Variants in VWC2 observed in about 807,000 individuals in gnomAD.
VWC2 encodes the protein brorin.
Under a neutral mutation model 29.8 loss-of-function variants are expected in VWC2, and 14 were observed. That is an observed-to-expected ratio of 0.47 (90% CI 0.31 to 0.74). The LOEUF (loss-of-function observed/expected upper bound fraction) is 0.74. VWC2 is among the 30% of genes least tolerant of loss of function. VWC2 has a pLI of 0.05. For synonymous variants in VWC2, 213 were observed against 199.0 expected (o/e 1.07, Z -0.59); for missense variants, 457 against 459.8 (o/e 0.99, Z 0.05).
intron 3 of VWC2, among the ~76,000 whole-genome samples, chr7:49,895,826 AC>A (rs1283224549): frequency 6.6e-6 from 1 of 152,166 alleles, no homozygotes; most frequent in East Asian, 1.9e-4. Context: ...ATTAAGATTA[AC>A]CCATTCTCCC....
intron 3 of VWC2, among the ~76,000 whole-genome samples, chr7:49,895,640 G>A (rs979545687): frequency 2.0e-5 from 3 of 152,054 alleles, no homozygotes; most frequent in African/African-American, 7.2e-5. Flanking sequence ...TCAACACAAT[G>A]TAACATATCA....
At chr7:49,783,165 A>T (rs1388162815) in intron 2 of VWC2, among the ~76,000 whole-genome samples, 1 of 152,148 alleles carries the variant, frequency 6.6e-6, no homozygotes, top group African/African-American at 2.4e-5. Context: ...CCCAACGGAA[A>T]CATTATTCTT....
chr7:49,857,556 C>T (rs898200830), intron 3 of VWC2, among the ~76,000 whole-genome samples: 1 of 152,150 alleles, frequency 6.6e-6, no homozygotes, highest in Non-Finnish European at 1.5e-5. Flanking sequence ...AAGTGCTCAA[C>T]ATTGCTAATC....
intron 3 of VWC2, among the ~76,000 whole-genome samples, chr7:49,898,572 A>C (rs1792522709): frequency 6.6e-6 from 1 of 152,112 alleles, no homozygotes. Context: ...CACATTACAT[A>C]TGTATATACA....
intron 3 of VWC2, among the ~76,000 whole-genome samples, chr7:49,880,687 TGGGGGAA>T (rs1036045116): frequency 6.6e-6 from 1 of 151,846 alleles, no homozygotes; most frequent in Non-Finnish European, 1.5e-5. Context: ...TGTTGTGGGA[TGGGGGAA>T]GGGGGAAGGG....
Position 49,806,809 on chromosome 7 carries a change from C to T in VWC2, c.826+3969C>T, listed in dbSNP as rs545308514. ...AAAGAAAAGCCTGCTCCTATGTGGT[C>T]TCACCATTGAATCCTTCCAAAATTC... On this transcript the variant is annotated intron_variant, in intron 3 of 3. Transcript: ENST00000340652. Among the ~76,000 whole-genome samples, 7 of 152,040 alleles carry T rather than the reference C, an allele frequency of 4.6e-5. No individual in the cohort carries two copies. In the South Asian group the frequency reaches 1.5e-3, roughly 32 times the overall value.
At chr7:49,812,931 T>C (rs1039317182) in intron 3 of VWC2, among the ~76,000 whole-genome samples, 9 of 152,196 alleles carry the variant, frequency 5.9e-5, no homozygotes, top group Non-Finnish European at 1.3e-4. Context: ...CTCCTACTTA[T>C]TTAATACCTG....
At chr7:49,888,115 A>G (rs999495214) in intron 3 of VWC2, among the ~76,000 whole-genome samples, 6 of 152,250 alleles carry the variant, frequency 3.9e-5, no homozygotes, top group Admixed American at 2.6e-4. Flanking sequence ...GTGAGGTCAC[A>G]TTAGTAGCTC....
At chr7:49,904,993 C>T (rs1483284728) in intron 3 of VWC2, among the ~76,000 whole-genome samples, 2 of 152,086 alleles carry the variant, frequency 1.3e-5, no homozygotes, top group East Asian at 3.9e-4. Context: ...CTCAGCCTCC[C>T]AAAGTGCTGG....
At chr7:49,882,932 T>A (rs1175895908) in intron 3 of VWC2, among the ~76,000 whole-genome samples, 1 of 151,978 alleles carries the variant, frequency 6.6e-6, no homozygotes, top group Non-Finnish European at 1.5e-5. Flanking sequence ...GGAGAATAAA[T>A]CCACAGAAAG....
At chr7:49,892,031 ATTTTTTTTTTTTTTTTTTT>A (rs536880676) in intron 3 of VWC2, among the ~76,000 whole-genome samples, 1 of 53,202 alleles carries the variant, frequency 1.9e-5, no homozygotes, top group African/African-American at 7.4e-5. Context: ...GACAAAGTAG[ATTTTTTTTTTTTTTTTTTT>A]TTTTTTTTTT....
intron 3 of VWC2, among the ~76,000 whole-genome samples, chr7:49,880,378 T>A (rs893918931): frequency 2.6e-5 from 4 of 151,998 alleles, no homozygotes; most frequent in Admixed American, 6.6e-5. Context: ...TAACTTTGGG[T>A]TTCTTTCATG....
intron 3 of VWC2, among the ~76,000 whole-genome samples, chr7:49,864,208 T>C (rs1181332501): frequency 6.6e-6 from 1 of 152,164 alleles, no homozygotes; most frequent in Non-Finnish European, 1.5e-5. Context: ...GTTAGCTTTT[T>C]CCAAAGGTTT....
intron 3 of VWC2, among the ~76,000 whole-genome samples, chr7:49,887,372 T>G (rs1404692704): frequency 1.3e-5 from 2 of 152,236 alleles, no homozygotes; most frequent in African/African-American, 4.8e-5. Context: ...ATGACACCAT[T>G]TGCTAGTCAT....
chr7:49,775,401 T>TGC lies in VWC2; in HGVS notation c.-35_-34insGC. On this transcript the variant is annotated 5_prime_UTR_variant, in exon 2 of 4. It removes the in-frame stop codon of an upstream open reading frame in the 5' UTR. Transcript: ENST00000340652. Reference sequence around the variant, plus strand: ...AATGCGACTCGCCCCTCGGCCGCGCTCCCCGCCCGCCCGCCCGCCGGGACG... The same window carrying TGC: ...AATGCGACTCGCCCCTCGGCCGCGCTGCCCCCGCCCGCCCGCCCGCCGGGACG... 1,308 of 1,072,152 alleles carry TGC rather than the reference T, an allele frequency of 1.2e-3. No homozygotes were observed. The highest frequency in any genetic ancestry group is 1.4e-3 in the Non-Finnish European group (1,197 of 828,672). 66.4% of individuals were successfully genotyped at this position (1,072,152 alleles called of 1,614,324 possible).
At chr7:49,824,246 T>G (rs1450756702) in intron 3 of VWC2, among the ~76,000 whole-genome samples, 3 of 152,210 alleles carry the variant, frequency 2.0e-5, no homozygotes, top group Admixed American at 2.0e-4. Context: ...AGATTTATTT[T>G]CTGGGTACAT....
intron 3 of VWC2, among the ~76,000 whole-genome samples, chr7:49,837,451 G>A (rs1451937261): frequency 6.6e-6 from 1 of 152,158 alleles, no homozygotes; most frequent in Non-Finnish European, 1.5e-5. Context: ...GGACTTTTGG[G>A]TCCCCCCTTA....
intron 3 of VWC2, among the ~76,000 whole-genome samples, chr7:49,866,907 G>A (rs1171661539): frequency 1.3e-5 from 2 of 152,198 alleles, no homozygotes; most frequent in African/African-American, 4.8e-5. Flanking sequence ...TGGAGCAGCA[G>A]CACAGCAAAG....
intron 3 of VWC2, among the ~76,000 whole-genome samples, chr7:49,861,231 T>C (rs1790639479): frequency 6.6e-6 from 1 of 152,202 alleles, no homozygotes. Context: ...AATCCTATTG[T>C]GGTTTGTATT....
Sources: allele counts gnomAD v4.1 joint callset (sites outside exome capture counted in the v4.1 genomes callset), GRCh38; gene constraint gnomAD v4.1.1; transcripts MANE v1.5; gene names NCBI Gene and HGNC (gene_info 2026-07-23, HGNC 2026-07-21).